ARNT2: variants seen among roughly 807,000 people sequenced by gnomAD.
The protein encoded by ARNT2 is ARNT protein 2.
ARNT2 carries 36 observed loss-of-function variants against 91.7 expected under a neutral mutation model. The observed-to-expected ratio is 0.39, with a 90% CI of 0.30 to 0.52. The LOEUF (loss-of-function observed/expected upper bound fraction) is 0.52. Among genes scored for constraint, ARNT2 ranks in the 20% least tolerant of loss-of-function variants. The pLI is 0.72. For missense variants in ARNT2, 775 were observed against 939.3 expected (o/e 0.83, Z 2.29); for synonymous variants, 365 against 347.1 (o/e 1.05, Z -0.57).
chr15:80,450,827 G>A (rs565625059), intron 1 of ARNT2, 53 bp from the exon 2 acceptor site: 21 of 1,580,434 alleles, frequency 1.3e-5, no homozygotes, highest in East Asian at 4.5e-5. Flanking sequence ...TTTCTTGCCC[G>A]TTACTGGGCT....
At chr15:80,441,513 T>G (rs1255135189) in intron 1 of ARNT2, 1 of 500,266 alleles carries the variant, frequency 2.0e-6, no homozygotes, top group East Asian at 1.5e-4. Flanking sequence ...CCTTTTGGTT[T>G]TTCATTTATT....
At chr15:80,447,213 G>T (rs1042759212) in intron 1 of ARNT2, among the ~76,000 whole-genome samples, 1 of 152,096 alleles carries the variant, frequency 6.6e-6, no homozygotes, top group African/African-American at 2.4e-5. Context: ...GTCTGTGTTA[G>T]GTCCAGGACA....
At chr15:80,440,467 A>T (rs566159470) in intron 1 of ARNT2, among the ~76,000 whole-genome samples, 1 of 152,200 alleles carries the variant, frequency 6.6e-6, no homozygotes, top group African/African-American at 2.4e-5. Flanking sequence ...ACTTCAGCCC[A>T]CAGGGTGGAG....
intron 11 of ARNT2, among the ~76,000 whole-genome samples, chr15:80,561,233 C>G (rs886813223): frequency 1.3e-5 from 2 of 152,074 alleles, no homozygotes; most frequent in Non-Finnish European, 2.9e-5. Context: ...GGGACCAAGT[C>G]CCCATTCTAA....
chr15:80,580,850 C>G (rs1396804162), intron 16 of ARNT2, among the ~76,000 whole-genome samples: 3 of 152,244 alleles, frequency 2.0e-5, no homozygotes, highest in Non-Finnish European at 2.9e-5. Context: ...CTCTGGACCT[C>G]TGGCTGCCCC....
intron 5 of ARNT2, among the ~76,000 whole-genome samples, chr15:80,500,231 A>G (rs1423861035): frequency 2.0e-5 from 3 of 152,170 alleles, no homozygotes; most frequent in South Asian, 4.1e-4. Context: ...CAACCTTTTG[A>G]GAATAAGAAC....
chr15:80,471,398 G>T (rs1349976071), intron 4 of ARNT2, among the ~76,000 whole-genome samples: 1 of 152,160 alleles, frequency 6.6e-6, no homozygotes, highest in Non-Finnish European at 1.5e-5. Flanking sequence ...TTGGGAGGAG[G>T]GAGAGGATCA....
intron 1 of ARNT2, among the ~76,000 whole-genome samples, chr15:80,435,914 G>C (rs1158435788): frequency 6.6e-6 from 1 of 152,150 alleles, no homozygotes; most frequent in Non-Finnish European, 1.5e-5. Flanking sequence ...TGAATGGCTA[G>C]TGCGTCCCAG....
intron 1 of ARNT2, among the ~76,000 whole-genome samples, chr15:80,443,768 C>G (rs1023200549): frequency 6.6e-6 from 1 of 152,176 alleles, no homozygotes; most frequent in Non-Finnish European, 1.5e-5. Context: ...CATAGAAGGT[C>G]AGGGGCAGAA....
chr15:80,469,692 G>A (rs528679209), intron 3 of ARNT2, among the ~76,000 whole-genome samples: 1 of 152,274 alleles, frequency 6.6e-6, no homozygotes, highest in East Asian at 1.9e-4. Context: ...TCAGCTTACT[G>A]CAATCTCCAT....
In ARNT2 at chr15:80,591,883, G is replaced by T. The variant is rs1049921095; in HGVS notation, c.2055+179G>T. 17 of 599,544 alleles carry T rather than the reference G, an allele frequency of 2.8e-5. No homozygotes were observed. The highest frequency in any genetic ancestry group is 8.2e-4 in the Middle Eastern group (1 of 1,218). The allele number at this position is 599,544 out of a possible 1,614,324, so 37.1% of individuals were successfully genotyped here. A position where few individuals can be genotyped will look rare whatever the true frequency, so the allele number is the denominator to read the frequency against. ...TCCTACCCAGCCAGAAACGTCAGGTGCATGTGGGAAGGAGAAGGGGCTGAT... is the reference window on the plus strand; with the variant it reads ...TCCTACCCAGCCAGAAACGTCAGGTTCATGTGGGAAGGAGAAGGGGCTGAT... On this transcript the variant is annotated intron_variant, in intron 18 of 18. Coordinates refer to ENST00000303329, the MANE Select transcript of ARNT2 (RefSeq NM_014862.4). The surrounding 1 kb of genome is among the most constrained non-coding windows in gnomAD (Gnocchi z 5.1).
At chr15:80,465,987 A>G (rs1409094416) in intron 3 of ARNT2, among the ~76,000 whole-genome samples, 1 of 152,224 alleles carries the variant, frequency 6.6e-6, no homozygotes, top group East Asian at 1.9e-4. Context: ...ACCCGTCTCC[A>G]GTACCCAGCA....
intron 8 of ARNT2, among the ~76,000 whole-genome samples, chr15:80,533,354 G>A (rs754088256): frequency 5.3e-5 from 8 of 152,182 alleles, no homozygotes; most frequent in African/African-American, 1.2e-4. Context: ...GGATAAGGAC[G>A]CAGGGGCTAC....
rs56146872 is a variant in ARNT2, at chr15:80,516,828, AATAT to A, written c.877+2448_877+2451del. On this transcript the variant is annotated intron_variant, in intron 8 of 18. Coordinates refer to ENST00000303329, the MANE Select transcript of ARNT2 (RefSeq NM_014862.4). ...TTTACAATTATTATATACAATTACA[AATAT>A]ATATATATATATATATATATATATC... Among the ~76,000 whole-genome samples the A allele has an allele frequency of 2.6e-3, 194 of 74,802 alleles. 7 individuals are homozygous for A. The highest frequency in any genetic ancestry group is 0.012 in the Admixed American group (83 of 6,776). 49.1% of individuals were successfully genotyped at this position (74,802 alleles called of 152,430 possible).
intron 3 of ARNT2, among the ~76,000 whole-genome samples, chr15:80,468,204 T>A (rs988356240): frequency 1.3e-5 from 2 of 151,784 alleles, no homozygotes; most frequent in Admixed American, 1.3e-4. Context: ...GGCTGCAGAG[T>A]TATCCTTTGT....
intron 5 of ARNT2, among the ~76,000 whole-genome samples, chr15:80,502,785 G>T (rs1897218744): frequency 6.6e-6 from 1 of 152,142 alleles, no homozygotes; most frequent in Admixed American, 6.5e-5. Context: ...ATTCTGGAGG[G>T]CACCCAGGGG....
chr15:80,571,765 A>T (rs1383656736), intron 12 of ARNT2, among the ~76,000 whole-genome samples: 1 of 152,190 alleles, frequency 6.6e-6, no homozygotes, highest in Non-Finnish European at 1.5e-5. Context: ...TAGTATAACA[A>T]CTATGAAAGC....
intron 8 of ARNT2, among the ~76,000 whole-genome samples, chr15:80,542,966 A>G (rs1596005836): frequency 6.6e-6 from 1 of 151,880 alleles, no homozygotes; most frequent in African/African-American, 2.4e-5. Flanking sequence ...GTGTAGTGGC[A>G]CCTGCCTGTG....
At chr15:80,487,992 T>G (rs1566985386) in intron 5 of ARNT2, 1 of 152,346 alleles carries the variant, frequency 6.6e-6, no homozygotes, top group East Asian at 1.9e-4. Flanking sequence ...CTGTGAACCT[T>G]ATGTGCATTT....
Sources: allele counts gnomAD v4.1 joint callset (sites outside exome capture counted in the v4.1 genomes callset), GRCh38; gene constraint gnomAD v4.1.1; non-coding constraint Gnocchi (gnomAD v3.1); transcripts MANE v1.5; gene names NCBI Gene and HGNC (gene_info 2026-07-23, HGNC 2026-07-21).